The following CFAP77 variants were observed in gnomAD, a reference collection of about 807,000 sequenced individuals.
The protein encoded by CFAP77 is cilia- and flagella-associated protein 77.
CFAP77 carries 25 observed loss-of-function variants against 31.1 expected under a neutral mutation model. The observed-to-expected ratio is 0.80, with a 90% CI of 0.59 to 1.12. The LOEUF (loss-of-function observed/expected upper bound fraction) is 1.12, where lower values mean the gene tolerates loss of function less well. CFAP77 is among the 50% of genes most tolerant of loss of function. The probability of loss-of-function intolerance (pLI) is 0.00; values close to 1 mark genes in which losing one functional copy is unlikely to be tolerated. For synonymous variants in CFAP77, 151 were observed against 159.9 expected, an observed-to-expected ratio of 0.94 and a Z score of 0.42; for missense variants, 377 against 397.3, an observed-to-expected ratio of 0.95 and a Z score of 0.44.
chr9:132,486,018 A>ATATATATATATGTATGTG (rs1564222961), intron 1 of CFAP77, among the ~76,000 whole-genome samples: 1 of 37,530 alleles, frequency 2.7e-5, no homozygotes, highest in Non-Finnish European at 4.2e-5. Context: ...ATATATATAT[A>ATATATATATATGTATGTG]TATATATATA....
In CFAP77 at chr9:132,545,312, A is replaced by C. The variant is rs1470800936; in HGVS notation, c.732+2265A>C. ...CAGCCTCAGAACAAGAGTCCTGACC[A>C]GGTGGTGCAGATGAAAGGCAGAGGG... is the stretch of plus-strand genomic sequence containing the variant. On this transcript the variant is annotated intron_variant, in intron 5 of 5. Coordinates refer to ENST00000393216, the MANE Select transcript of CFAP77 (RefSeq NM_001282957.2). The surrounding 1 kb of genome is among the most constrained non-coding windows in gnomAD (Gnocchi z 4.6). Among the ~76,000 whole-genome samples, 2 of 152,232 alleles carry C rather than the reference A, an allele frequency of 1.3e-5. No homozygotes were observed. Among genetic ancestry groups the C allele is most frequent in the African/African-American group, 4.8e-5 (2 of 41,466 alleles).
intron 1 of CFAP77, among the ~76,000 whole-genome samples, chr9:132,486,051 TGTATGTGTGTGTGTGTATATATATATATA>T (rs1564223176): frequency 2.0e-4 from 10 of 49,388 alleles, no homozygotes; most frequent in African/African-American, 1.1e-3. Flanking sequence ...TGTATGTATA[TGTATGTGTGTGTGTGTATATATATATATA>T]TATATATATA....
At chr9:132,525,115 G>C (rs976775219) in intron 3 of CFAP77, among the ~76,000 whole-genome samples, 4 of 148,860 alleles carry the variant, frequency 2.7e-5, no homozygotes, top group Admixed American at 6.7e-5. Context: ...CGCTTCCCGA[G>C]TTCAAGCGGT....
intron 5 of CFAP77, among the ~76,000 whole-genome samples, chr9:132,549,866 A>C (rs1302744715): frequency 6.9e-6 from 1 of 144,194 alleles, no homozygotes; most frequent in Non-Finnish European, 1.5e-5. Context: ...ACAAAGCAGG[A>C]GCTTAATTGG....
rs886687457 is a variant in CFAP77 at position 132,517,477 on chromosome 9, C to G, written c.524+17877C>G. On this transcript the variant is annotated intron_variant, in intron 3 of 5. Transcript: ENST00000393216. The surrounding 1 kb of genome is among the most constrained non-coding windows in gnomAD (Gnocchi z 4.7). ...GGCTACTAAACCGAATTAGTAGTCA[C>G]TGATGACCAATTATTTTAGCCTGCT... Among the ~76,000 whole-genome samples the G allele has an allele frequency of 6.6e-6, 1 of 152,214 alleles. No individual in the cohort carries two copies. Among genetic ancestry groups the G allele is most frequent in the African/African-American group, 2.4e-5 (1 of 41,468 alleles).
In CFAP77 at chr9:132,464,664, G is replaced by A. The variant is rs973999230; in HGVS notation, c.196-34031G>A. ...TTTGGCCTGACATCTTGGAAGCCTG[G>A]AGTGTACTTTACACTCACTGCACAT... On this transcript the variant is annotated intron_variant, in intron 1 of 5. Coordinates refer to ENST00000393216, the MANE Select transcript of CFAP77 (RefSeq NM_001282957.2). 2.6e-5 allele frequency among the ~76,000 whole-genome samples: 4 copies of A among 152,158 alleles called. No homozygotes were observed. The East Asian group carries it at 7.7e-4, about 29-fold the overall frequency.
chr9:132,555,234 G>A (rs1217698310), intron 5 of CFAP77, among the ~76,000 whole-genome samples: 1 of 152,162 alleles, frequency 6.6e-6, no homozygotes, highest in Non-Finnish European at 1.5e-5. Context: ...GAAAGGTTCT[G>A]CTCCTTCTTA....
chr9:132,431,781 C>G (rs1297878034), intron 1 of CFAP77, among the ~76,000 whole-genome samples: 2 of 152,112 alleles, frequency 1.3e-5, no homozygotes, highest in South Asian at 2.1e-4. Flanking sequence ...CCAAATTTCC[C>G]CAAATTTACT....
chr9:132,500,560 G>C (rs1851824905), intron 3 of CFAP77, among the ~76,000 whole-genome samples: 1 of 152,190 alleles, frequency 6.6e-6, no homozygotes, highest in Non-Finnish European at 1.5e-5. Context: ...CACAAATCGT[G>C]AAGGGTTCAG....
intron 1 of CFAP77, among the ~76,000 whole-genome samples, chr9:132,429,358 G>A (rs1850366092): frequency 6.6e-6 from 1 of 151,834 alleles, no homozygotes; most frequent in Non-Finnish European, 1.5e-5. Flanking sequence ...GGCCAACATG[G>A]TGAAACCCTG....
rs1389588867 is a variant in CFAP77 at position 132,537,647 on chromosome 9, C to G, written c.571C>G (p.Leu191Val). 1.2e-6 allele frequency: 2 copies of G among 1,613,550 alleles called. No individual in the cohort carries two copies. Among genetic ancestry groups the G allele is most frequent in the Non-Finnish European group, 8.5e-7 (1 of 1,179,718 alleles). Residue 191 changes from leucine (L) to valine (V), a missense_variant, in exon 4 of 6, where the codon CTG becomes GTG. Coordinates refer to ENST00000393216, the MANE Select transcript of CFAP77 (RefSeq NM_001282957.2). ...FDLLQHRYLQ[L>V]WVQEQKATQK... ...TCTGCTGCAGCACCGGTACCTGCAGCTGTGGGTACAGGAACAAAAGGCCAC... is the reference window on the plus strand; with the variant it reads ...TCTGCTGCAGCACCGGTACCTGCAGGTGTGGGTACAGGAACAAAAGGCCAC...
rs1851424272 is a variant in CFAP77, at chr9:132,480,343, G to T, written c.196-18352G>T. ...GGCTTTCCCACTTTTTGCCCTCATA[G>T]CTCAACTCCCTAGGGAATTTGAGAA... On this transcript the variant is annotated intron_variant, in intron 1 of 5. Transcript: ENST00000393216. The surrounding 1 kb of genome is among the most constrained non-coding windows in gnomAD (Gnocchi z 5.8). Among the ~76,000 whole-genome samples the T allele has an allele frequency of 6.6e-6, 1 of 151,232 alleles. No homozygotes were observed. The highest frequency in any genetic ancestry group is 1.5e-5 in the Non-Finnish European group (1 of 67,826).
At chr9:132,534,022 G>T (rs1272467649) in intron 3 of CFAP77, among the ~76,000 whole-genome samples, 1 of 152,184 alleles carries the variant, frequency 6.6e-6, no homozygotes, top group Non-Finnish European at 1.5e-5. Flanking sequence ...ATCAGTTCTG[G>T]CACAGTATCT....
At chr9:132,433,582 C>CATTA (rs1463328146) in intron 1 of CFAP77, among the ~76,000 whole-genome samples, 3 of 150,454 alleles carry the variant, frequency 2.0e-5, no homozygotes, top group Non-Finnish European at 2.9e-5. Context: ...GAGTCTCACT[C>CATTA]TGTCACCCAG....
At position 132,543,018 on chromosome 9, in the gene CFAP77, A is replaced by C; in HGVS notation, c.703A>C (p.Thr235Pro). The change falls in exon 5 of 6, where the codon ACC becomes CCC. Residue 235 changes from threonine to proline, a missense_variant. Physicochemically the swap from Thr to Pro is conservative, Grantham distance 38. Coordinates refer to ENST00000393216, the MANE Select transcript of CFAP77 (RefSeq NM_001282957.2). ...GTACAAGCCGCCCGTGAAGCTGGAC[A>C]CCCTCTGGCACATGCCTCACTTCCA... ...RKYKPPVKLDTLWHMPHFQKV... is the reference protein window; with the variant it reads ...RKYKPPVKLDPLWHMPHFQKV... The C allele has an allele frequency of 6.2e-7, 1 of 1,614,044 alleles. No individual in the cohort carries two copies. Among genetic ancestry groups the C allele is most frequent in the Non-Finnish European group, 8.5e-7 (1 of 1,179,976 alleles).
In CFAP77 at chr9:132,552,677, C is replaced by T. The variant is rs969296673; in HGVS notation, c.732+9630C>T. ...CGCCACTGCACTCCAGCCCAGGTGA[C>T]AGGGTGAGACTCCATCTCAAAAAAA... On this transcript the variant is annotated intron_variant, in intron 5 of 5. Transcript: ENST00000393216. The surrounding 1 kb of genome is among the most constrained non-coding windows in gnomAD (Gnocchi z 5.5). Among the ~76,000 whole-genome samples the T allele has an allele frequency of 6.9e-6, 1 of 145,274 alleles. No individual in the cohort carries two copies. The highest frequency in any genetic ancestry group is 1.5e-5 in the Non-Finnish European group (1 of 67,204).
chr9:132,461,254 C>T (rs923758109), intron 1 of CFAP77, among the ~76,000 whole-genome samples: 4 of 152,158 alleles, frequency 2.6e-5, no homozygotes, highest in African/African-American at 2.4e-5. Context: ...CTGGGCAAAG[C>T]GCCCCTCGTT....
At chr9:132,474,129 G>A (rs752769200) in intron 1 of CFAP77, among the ~76,000 whole-genome samples, 2 of 152,206 alleles carry the variant, frequency 1.3e-5, no homozygotes, top group African/African-American at 2.4e-5. Flanking sequence ...GTTGTCTCTT[G>A]TAAGGGTTTG....
chr9:132,519,382 A>G (rs774193981), intron 3 of CFAP77, among the ~76,000 whole-genome samples: 10 of 33,716 alleles, frequency 3.0e-4, no homozygotes, highest in East Asian at 1.1e-3. Flanking sequence ...ATGGATGGAT[A>G]GGTGGATGGA....
Sources: gnomAD v4.1 joint callset for allele counts (sites outside exome capture counted in the v4.1 genomes callset) on GRCh38, gnomAD v4.1.1 for gene constraint, Gnocchi (gnomAD v3.1) non-coding constraint, MANE v1.5 for transcripts, NCBI Gene and HGNC (gene_info 2026-07-23, HGNC 2026-07-21) for gene names.